Variants in USP22 observed in about 807,000 individuals in gnomAD.
The protein encoded by USP22 is ubiquitin specific peptidase 22, also known as ubiquitin carboxyl-terminal hydrolase 22.
In USP22, 22 loss-of-function variants were observed where a neutral mutation model predicts 68.1. The ratio of observed to expected loss-of-function variants is 0.32; its 90% CI spans 0.23 to 0.46. USP22 has a LOEUF of 0.46. USP22 is among the 20% of genes least tolerant of loss of function. The pLI is 1.00. For synonymous variants in USP22, 279 were observed against 274.2 expected, an observed-to-expected ratio of 1.02 and a Z score of -0.17; for missense variants, 433 against 695.8, an observed-to-expected ratio of 0.62 and a Z score of 4.25.
At chr17:21,030,325 G>T (rs1404813575) in intron 1 of USP22, among the ~76,000 whole-genome samples, 1 of 152,018 alleles carries the variant, frequency 6.6e-6, no homozygotes, top group Non-Finnish European at 1.5e-5. Context: ...AAATATCTTT[G>T]ATTTGTGGTT....
intron 1 of USP22, among the ~76,000 whole-genome samples, chr17:21,036,284 T>C (rs1455826460): frequency 6.6e-6 from 1 of 152,102 alleles, no homozygotes; most frequent in East Asian, 1.9e-4. Flanking sequence ...TGGATGCCTC[T>C]GTCAAAATCC....
At chr17:21,005,111 T>A in intron 10 of USP22, 121 bp from the exon 11 acceptor site, 1 of 1,108,056 alleles carries the variant, frequency 9.0e-7, no homozygotes, top group Non-Finnish European at 1.3e-6. Context: ...GAGGTGCACT[T>A]TATGCTTCAG....
At chr17:21,037,156 G>C (rs1972367902) in intron 1 of USP22, among the ~76,000 whole-genome samples, 1 of 152,184 alleles carries the variant, frequency 6.6e-6, no homozygotes, top group African/African-American at 2.4e-5. Context: ...ATAACCCAAA[G>C]CATACATTCA....
chr17:21,019,608 C>G (rs1169568414), intron 3 of USP22, among the ~76,000 whole-genome samples: 1 of 152,146 alleles, frequency 6.6e-6, no homozygotes, highest in Non-Finnish European at 1.5e-5. Flanking sequence ...ATAAACTCAG[C>G]GTCGAGTTAC....
At chr17:21,041,747 GA>G (rs939415542) in intron 1 of USP22, among the ~76,000 whole-genome samples, 1 of 152,244 alleles carries the variant, frequency 6.6e-6, no homozygotes, top group African/African-American at 2.4e-5. Flanking sequence ...AAAAGCGCGT[GA>G]AACTGTAAAA....
At chr17:21,042,328 A>C in intron 1 of USP22, 1 of 148,776 alleles carries the variant, frequency 6.7e-6, no homozygotes, top group Non-Finnish European at 1.3e-5. Flanking sequence ...CCGGGCCAAG[A>C]AGGATAAGGG....
intron 2 of USP22, among the ~76,000 whole-genome samples, chr17:21,025,138 C>T (rs754187662): frequency 5.9e-5 from 9 of 152,116 alleles, no homozygotes; most frequent in Non-Finnish European, 1.0e-4. Flanking sequence ...CCCCAACACA[C>T]GCACACACTG....
In USP22 at chr17:21,021,135, C is replaced by T. The variant is rs780288013; in HGVS notation, c.396G>A (p.Gln132=). Residue 132 remains glutamine (Q), a synonymous_variant, in exon 3 of 13, where the codon CAG becomes CAA. Coordinates refer to ENST00000261497, the MANE Select transcript of USP22 (RefSeq NM_015276.2). ...KDMEIIAKEE[Q]RKAWKMQGVG... ...AACCTTGCATTTTCCAAGCTTTTCG[C>T]TGCTCCTCCTTGGCGATTATTTCCA... The T allele has an allele frequency of 6.2e-7, 1 of 1,614,192 alleles. No homozygotes were observed. Among genetic ancestry groups the T allele is most frequent in the Non-Finnish European group, 8.5e-7 (1 of 1,180,008 alleles).
Position 21,021,170 on chromosome 17 carries a change from C to T in USP22, c.361G>A (p.Asp121Asn). The T allele has an allele frequency of 1.9e-6, 3 of 1,614,148 alleles. No homozygotes were observed. The highest frequency in any genetic ancestry group is 2.5e-6 in the Non-Finnish European group (3 of 1,180,010). Residue 121 changes from aspartate to asparagine, a missense_variant, in exon 3 of 13, where the codon GAC becomes AAC. Asp to Asn is a conservative substitution (Grantham distance 23, BLOSUM62 1). Coordinates refer to ENST00000261497, the MANE Select transcript of USP22 (RefSeq NM_015276.2). ...YCFLCQDYIY[D>N]KDMEIIAKEE... ...TTGGCGATTATTTCCATGTCTTTGT[C>T]ATAGATGTAGTCCTGGCACAGAAAA...
At chr17:21,026,843 C>G (rs964466402) in intron 2 of USP22, among the ~76,000 whole-genome samples, 1 of 149,022 alleles carries the variant, frequency 6.7e-6, no homozygotes, top group African/African-American at 2.5e-5. Flanking sequence ...GCTGTGTTGT[C>G]CAGGCTGGAG....
intron 2 of USP22, 114 bp from the exon 3 acceptor site, chr17:21,021,340 C>T: frequency 1.4e-6 from 1 of 694,194 alleles, no homozygotes; most frequent in Non-Finnish European, 2.6e-6. Context: ...TTCACAGCAC[C>T]TTCCTATTCA....
chr17:21,027,159 G>C (rs916049035), intron 2 of USP22, among the ~76,000 whole-genome samples: 2 of 151,398 alleles, frequency 1.3e-5, no homozygotes, highest in Non-Finnish European at 2.9e-5. Flanking sequence ...CAGGTGTCGT[G>C]GTGTGTGCCT....
At position 21,033,817 on chromosome 17, in the gene USP22, C is replaced by T. The variant is rs189186416; in HGVS notation, c.172-5143G>A. On this transcript the variant is annotated intron_variant, in intron 1 of 12. Coordinates refer to ENST00000261497, the MANE Select transcript of USP22 (RefSeq NM_015276.2). ...AGGCTGGAGTGCAGTGGCGTAATCTCCGCTAACTGCAACCTCCGCCTCCCG... is the reference window on the plus strand; with the variant it reads ...AGGCTGGAGTGCAGTGGCGTAATCTTCGCTAACTGCAACCTCCGCCTCCCG... Among the ~76,000 whole-genome samples, 85 of 151,170 alleles carry T rather than the reference C, an allele frequency of 5.6e-4. 1 individual carries two copies. In the Middle Eastern group the frequency reaches 0.014, roughly 24 times the overall value.
rs1567787128 is a variant in USP22 at position 20,999,868 on chromosome 17, G to A, written c.*3163C>T. The A allele has an allele frequency of 6.6e-6, 1 of 152,230 alleles. No individual in the cohort carries two copies. The highest frequency in any genetic ancestry group is 2.1e-4 in the South Asian group (1 of 4,832). 9.4% of individuals were successfully genotyped at this position (152,230 alleles called of 1,614,324 possible). A position where few individuals can be genotyped will look rare whatever the true frequency, so the allele number is the denominator to read the frequency against. ...CAAGCCAAAATACAATAGCACTCAG[G>A]TCTATATGTTGCAGTGGTGCTGGCG... On this transcript the variant is annotated 3_prime_UTR_variant, in exon 13 of 13. Coordinates refer to ENST00000261497, the MANE Select transcript of USP22 (RefSeq NM_015276.2).
At chr17:21,004,523 T>A (rs1413512906) in intron 11 of USP22, among the ~76,000 whole-genome samples, 172 bp from the exon 12 acceptor site, 2 of 152,140 alleles carry the variant, frequency 1.3e-5, no homozygotes, top group Non-Finnish European at 2.9e-5. Flanking sequence ...GGGAGCCTGG[T>A]CACCCCCCTT....
intron 1 of USP22, 46 bp from the exon 2 acceptor site, chr17:21,028,720 G>A (rs1652629823): frequency 6.3e-7 from 1 of 1,597,416 alleles, no homozygotes; most frequent in Non-Finnish European, 8.5e-7. Flanking sequence ...TGATAAGACA[G>A]GGGTGCTCAG....
chr17:21,015,505 G>T lies in USP22; in HGVS notation c.838+247C>A, dbSNP rs545759744. 3.0e-5 allele frequency: 14 copies of T among 461,328 alleles called. No homozygotes were observed. The South Asian group carries it at 5.2e-4, about 17-fold the overall frequency. 28.6% of individuals were successfully genotyped at this position (461,328 alleles called of 1,614,324 possible). Reference sequence around the variant, plus strand: ...CAAGAGTTTGCTGTTCACTGTGATCGGTCACTGAGGACCTGTCATACTGCT... The same window carrying T: ...CAAGAGTTTGCTGTTCACTGTGATCTGTCACTGAGGACCTGTCATACTGCT... On this transcript the variant is annotated intron_variant, in intron 6 of 12. Transcript: ENST00000261497.
In USP22 at chr17:21,028,822, A is replaced by C. The variant is rs1021305955; in HGVS notation, c.172-148T>G. The C allele has an allele frequency of 1.6e-5, 17 of 1,044,028 alleles. No homozygotes were observed. The Admixed American group carries it at 2.7e-4, about 17-fold the overall frequency. The allele number at this position is 1,044,028 out of a possible 1,614,324, so 64.7% of individuals were successfully genotyped here. A position where few individuals can be genotyped will look rare whatever the true frequency, so the allele number is the denominator to read the frequency against. Reference sequence around the variant, plus strand: ...TCAAGGCTTACTACTCTAGAGGATCAGTTTAATCCTTTCAGTTCCCCCAAA... The same window carrying C: ...TCAAGGCTTACTACTCTAGAGGATCCGTTTAATCCTTTCAGTTCCCCCAAA... On this transcript the variant is annotated intron_variant, in intron 1 of 12. Transcript: ENST00000261497.
At chr17:21,033,691 G>A (rs757534260) in intron 1 of USP22, among the ~76,000 whole-genome samples, 2 of 152,058 alleles carry the variant, frequency 1.3e-5, no homozygotes. Flanking sequence ...TAATTCTTGT[G>A]CATTCTCTTC....
Sources: gnomAD v4.1 joint callset for allele counts (sites outside exome capture counted in the v4.1 genomes callset) on GRCh38, gnomAD v4.1.1 for gene constraint, MANE v1.5 for transcripts, NCBI Gene and HGNC (gene_info 2026-07-23, HGNC 2026-07-21) for gene names.